SPG7: variants seen among roughly 807,000 people sequenced by gnomAD.
SPG7 encodes the protein mitochondrial inner membrane m-AAA protease component paraplegin.
Under a neutral mutation model 81.9 loss-of-function variants are expected in SPG7, and 103 were observed. That is an observed-to-expected ratio of 1.26 (90% CI 1.07 to 1.48). The LOEUF is 1.48. SPG7 is among the 40% of genes most tolerant of loss of function. The pLI is 0.00. For missense variants in SPG7, 1,241 were observed against 1,087.3 expected, an observed-to-expected ratio of 1.14 and a Z score of -1.99; for synonymous variants, 534 against 444.2, an observed-to-expected ratio of 1.20 and a Z score of -2.54.
At chr16:89,545,108 T>A in intron 10 of SPG7, 1 of 378,108 alleles carries the variant, frequency 2.6e-6, no homozygotes, top group South Asian at 2.2e-5. Context: ...GCAAATCCTT[T>A]GAAACAAAAT....
chr16:89,544,406 G>A (rs930035842), intron 9 of SPG7: 11 of 474,910 alleles, frequency 2.3e-5, no homozygotes, highest in African/African-American at 1.8e-4. Context: ...AGCTCCCGGA[G>A]GGCCTTGGAC....
intron 3 of SPG7, among the ~76,000 whole-genome samples, chr16:89,515,725 T>A (rs992349307): frequency 7.0e-6 from 1 of 142,528 alleles, no homozygotes; most frequent in Non-Finnish European, 1.5e-5. Flanking sequence ...ATTTTTTTTT[T>A]TGAGATGGGG....
chr16:89,545,153 T>G (rs987297604), intron 10 of SPG7: 7 of 351,864 alleles, frequency 2.0e-5, no homozygotes, highest in South Asian at 1.5e-4. Context: ...TTTATTCTTG[T>G]GTGGCATCAC....
intron 5 of SPG7, chr16:89,526,947 ACG>A (rs2058271696): frequency 4.4e-6 from 1 of 227,758 alleles, no homozygotes; most frequent in African/African-American, 2.4e-5. Context: ...TCAGCCCCCG[ACG>A]TAGGATGGCG....
chr16:89,546,012 G>T (rs1189958595), intron 10 of SPG7: 1 of 396,528 alleles, frequency 2.5e-6, no homozygotes, highest in Admixed American at 3.1e-5. Context: ...TTTTAACAGA[G>T]TCTCGCTGTG....
At position 89,513,017 on chromosome 16, in the gene SPG7, A is replaced by G. The variant is rs749945685; in HGVS notation, c.356A>G (p.Lys119Arg). The G allele has an allele frequency of 5.6e-6, 9 of 1,612,074 alleles. No homozygotes were observed. The highest frequency in any genetic ancestry group is 7.6e-6 in the Non-Finnish European group (9 of 1,178,750). The change falls in exon 3 of 17, where the codon AAG (lysine) becomes AGG (arginine). Residue 119 changes from lysine (K) to arginine (R), a missense_variant. Lys to Arg is a conservative substitution (Grantham distance 26, BLOSUM62 2). Coordinates refer to ENST00000645818, the MANE Select transcript of SPG7 (RefSeq NM_003119.4). ...KNKEKDKSKG[K>R]APEEDEEERR... ...AAGGAGAAGGATAAGTCGAAGGGGA[A>G]GGCGCCTGAAGAGGACGAAGGTATA...
intron 9 of SPG7, chr16:89,533,674 G>A (rs898370175): frequency 3.3e-5 from 5 of 152,194 alleles, no homozygotes; most frequent in Non-Finnish European, 7.3e-5. Context: ...GCACTGCAGC[G>A]AGGGAGACAC....
intron 1 of SPG7, 100 bp from the exon 2 acceptor site, chr16:89,510,390 A>C: frequency 1.4e-6 from 1 of 709,174 alleles, no homozygotes; most frequent in South Asian, 1.6e-5. Flanking sequence ...ATTACAAATA[A>C]TTATATATTT....
At chr16:89,513,687 G>A (rs1305807869) in intron 3 of SPG7, among the ~76,000 whole-genome samples, 2 of 152,128 alleles carry the variant, frequency 1.3e-5, no homozygotes, top group African/African-American at 4.8e-5. Context: ...GCCCCAGGGG[G>A]CAGAAGGGTT....
chr16:89,510,166 G>A (rs2057995036), intron 1 of SPG7, among the ~76,000 whole-genome samples: 2 of 151,484 alleles, frequency 1.3e-5, no homozygotes, highest in Admixed American at 1.3e-4. Context: ...GTAGAGATGA[G>A]GTTTCACCAT....
At chr16:89,554,145 A>G (rs2058664755) in intron 15 of SPG7, among the ~76,000 whole-genome samples, 185 bp downstream of exon 15, 1 of 152,228 alleles carries the variant, frequency 6.6e-6, no homozygotes, top group Non-Finnish European at 1.5e-5. Context: ...AAATGAGGAC[A>G]TAGATGCTCC....
chr16:89,530,809 G>A lies in SPG7; in HGVS notation c.987+1G>A, dbSNP rs754184028. On this transcript the variant is annotated splice_donor_variant, in intron 7 of 16. Coordinates refer to ENST00000645818, the MANE Select transcript of SPG7 (RefSeq NM_003119.4). LOFTEE classifies it high-confidence loss of function. ...CCGCGAGTTTGTGGATTATCTGAAG[G>A]TGAAAGCAGCGTGGGCCGGGAGGGA... 4 of 1,613,940 alleles carry A rather than the reference G, an allele frequency of 2.5e-6. No homozygotes were observed. The highest frequency in any genetic ancestry group is 2.7e-5 in the African/African-American group (2 of 74,924).
At chr16:89,509,295 G>T (rs1161211651) in intron 1 of SPG7, among the ~76,000 whole-genome samples, 1 of 151,978 alleles carries the variant, frequency 6.6e-6, no homozygotes, top group East Asian at 1.9e-4. Flanking sequence ...TCGCTCTGTC[G>T]CCCAGGCTGG....
chr16:89,537,797 C>G (rs1160239653), intron 9 of SPG7: 1 of 984,950 alleles, frequency 1.0e-6, no homozygotes, highest in Non-Finnish European at 1.2e-6. Flanking sequence ...TCCTGGGAAG[C>G]TGGGGTCCTG....
At position 89,548,051 on chromosome 16, in the gene SPG7, G is replaced by A. The variant is rs757160836; in HGVS notation, c.1601G>A (p.Arg534Gln). The change falls in exon 12 of 17, where the codon CGG becomes CAG. Residue 534 changes from arginine (R) to glutamine (Q), a missense_variant. Coordinates refer to ENST00000645818, the MANE Select transcript of SPG7 (RefSeq NM_003119.4). ...AATGAGGCTGCGCTGCACGCGGCGC[G>A]GGAGGGACACACTTCCGTGCACACT... ...ICNEAALHAA[R>Q]EGHTSVHTLN... The A allele has an allele frequency of 5.6e-5, 90 of 1,611,510 alleles. 1 individual carries two copies. In the South Asian group the frequency reaches 6.4e-4, roughly 11 times the overall value.
In SPG7 at chr16:89,537,477, C is replaced by T. The variant is rs1043715559; in HGVS notation, c.1324+4841C>T. On this transcript the variant is annotated intron_variant, in intron 9 of 16. Coordinates refer to ENST00000645818, the MANE Select transcript of SPG7 (RefSeq NM_003119.4). ...TCCCCTGGTGGTGGAAGCAAGACGA[C>T]GGCCCCTGACGTGCAGCCACACACA... The T allele has an allele frequency of 6.0e-6, 6 of 1,005,478 alleles. No individual in the cohort carries two copies. The South Asian group carries it at 1.3e-4, about 21-fold the overall frequency. The allele number at this position is 1,005,478 out of a possible 1,614,324, so 62.3% of individuals were successfully genotyped here. A position where few individuals can be genotyped will look rare whatever the true frequency, so the allele number is the denominator to read the frequency against.
chr16:89,521,482 C>T (rs531618510), intron 3 of SPG7: 3 of 152,358 alleles, frequency 2.0e-5, no homozygotes, highest in East Asian at 1.9e-4. Context: ...TTGGCTCATG[C>T]CTATAATCCC....
chr16:89,518,261 A>G (rs2058129348), intron 3 of SPG7: 1 of 152,248 alleles, frequency 6.6e-6, no homozygotes, highest in Non-Finnish European at 1.5e-5. Context: ...TGTGGCTTAG[A>G]AACAGCTTTG....
rs186145076 is a variant in SPG7, at chr16:89,542,773, A to G, written c.1325-1875A>G. On this transcript the variant is annotated intron_variant, in intron 9 of 16. Coordinates refer to ENST00000645818, the MANE Select transcript of SPG7 (RefSeq NM_003119.4). ...GTTGCTGGAGCCAGGGTCTCACTCC[A>G]TTGCCCAGGCTGGAGTATAGGGGCA... Among the ~76,000 whole-genome samples, 325 of 152,052 alleles carry G rather than the reference A, an allele frequency of 2.1e-3. 4 individuals are homozygous for G. The highest frequency in any genetic ancestry group is 6.8e-3 in the Middle Eastern group (2 of 294).
Sources: allele counts gnomAD v4.1 joint callset (sites outside exome capture counted in the v4.1 genomes callset), GRCh38; gene constraint gnomAD v4.1.1; transcripts MANE v1.5; gene names NCBI Gene and HGNC (gene_info 2026-07-23, HGNC 2026-07-21).